The following PDZD2 variants were observed in gnomAD, a reference collection of about 807,000 sequenced individuals.
The protein encoded by PDZD2 is PDZ domain containing 2.
A neutral mutation model predicts 220.7 loss-of-function variants in PDZD2; 90 were observed. The ratio of observed to expected loss-of-function variants is 0.41; its 90% CI spans 0.34 to 0.49. The LOEUF (loss-of-function observed/expected upper bound fraction) is 0.49. Among genes scored for constraint, PDZD2 ranks in the 20% least tolerant of loss-of-function variants. The probability of loss-of-function intolerance (pLI) is 0.28; values close to 1 mark genes in which losing one functional copy is unlikely to be tolerated. For missense variants in PDZD2, 3,174 were observed against 3,608.5 expected, an observed-to-expected ratio of 0.88 and a Z score of 3.08; for synonymous variants, 1,375 against 1,450.5, an observed-to-expected ratio of 0.95 and a Z score of 1.18.
chr5:31,722,224 C>G (rs1267815926), intron 1 of PDZD2, among the ~76,000 whole-genome samples: 3 of 152,138 alleles, frequency 2.0e-5, no homozygotes, highest in Non-Finnish European at 4.4e-5. Flanking sequence ...AGACAAAATT[C>G]AAGGCCTTGC....
chr5:31,778,104 C>T (rs1752816725), intron 1 of PDZD2, among the ~76,000 whole-genome samples: 1 of 152,174 alleles, frequency 6.6e-6, no homozygotes, highest in Non-Finnish European at 1.5e-5. Flanking sequence ...TCTAGCTAAT[C>T]TAGTGGGGAC....
intron 1 of PDZD2, among the ~76,000 whole-genome samples, chr5:31,700,896 G>A (rs1747576733): frequency 6.6e-6 from 1 of 152,198 alleles, no homozygotes; most frequent in Non-Finnish European, 1.5e-5. Flanking sequence ...TCTTCCGAAT[G>A]TCAGGAGCTA....
rs187558061 is a variant in PDZD2 at position 31,977,708 on chromosome 5, C to T, written c.477-5447C>T. Among the ~76,000 whole-genome samples, 576 of 152,372 alleles carry T rather than the reference C, an allele frequency of 3.8e-3. 3 individuals carry two copies. Among genetic ancestry groups the T allele is most frequent in the African/African-American group, 0.013 (547 of 41,588 alleles). On this transcript the variant is annotated intron_variant, in intron 2 of 24. Transcript: ENST00000438447. ...CTACAACTGGCCAGACGCAGTGCCT[C>T]GCTCCTGTAATTCCAGCACTTTGGG... is the stretch of plus-strand genomic sequence containing the variant.
Position 31,995,668 on chromosome 5 carries a change from A to C in PDZD2, c.1071A>C (p.Ser357=). 1 of 1,614,000 alleles carries C rather than the reference A, an allele frequency of 6.2e-7. No homozygotes were observed. The highest frequency in any genetic ancestry group is 1.7e-4 in the Middle Eastern group (1 of 6,024). ...GTGGAGGCCGAGGATCAAAGCGCTCACCTCACGCTATCGTTGTCACTCAAG... is the reference window on the plus strand; with the variant it reads ...GTGGAGGCCGAGGATCAAAGCGCTCCCCTCACGCTATCGTTGTCACTCAAG... The part of the protein sequence containing the change: ...QVSGGRGSKR[S]PHAIVVTQVK... Residue 357 remains serine (S), a synonymous_variant, in exon 4 of 25, where the codon TCA becomes TCC. Coordinates refer to ENST00000438447, the MANE Select transcript of PDZD2 (RefSeq NM_178140.4).
intron 1 of PDZD2, among the ~76,000 whole-genome samples, chr5:31,667,313 A>C (rs1353786852): frequency 6.6e-6 from 1 of 151,550 alleles, no homozygotes; most frequent in Non-Finnish European, 1.5e-5. Flanking sequence ...CTAGGGATAC[A>C]GGGGTGAGTG....
intron 6 of PDZD2, among the ~76,000 whole-genome samples, chr5:32,016,243 T>C (rs138435248): frequency 2.6e-5 from 4 of 152,352 alleles, no homozygotes; most frequent in Middle Eastern, 3.4e-3. Flanking sequence ...TTATTTGGAC[T>C]GAATAATTGA....
rs772353160 is a variant in PDZD2, at chr5:32,074,263, G to A, written c.3157G>A (p.Ala1053Thr). 1.2e-6 allele frequency: 2 copies of A among 1,614,214 alleles called. No individual in the cohort carries two copies. The highest frequency in any genetic ancestry group is 2.2e-5 in the South Asian group (2 of 91,080). The change falls in exon 18 of 25, where the codon GCG becomes ACG. Residue 1053 changes from alanine to threonine, a missense_variant. By Grantham distance (58) the Ala-to-Thr change is moderately conservative. Around this residue, in one of 4 missense-constraint regions of PDZD2, gnomAD observed 1,861 missense variants for 2,001.0 expected, o/e 0.93. Coordinates refer to ENST00000438447, the MANE Select transcript of PDZD2 (RefSeq NM_178140.4). ...ESIPEGMVDA[A>T]SYAANLTDSA... ...TATCCCAGAGGGCATGGTGGATGCT[G>A]CGTCCTATGCAGCCAACCTCACGGA...
At chr5:31,923,443 G>A (rs143320561) in intron 2 of PDZD2, 11 of 1,118,042 alleles carry the variant, frequency 9.8e-6, no homozygotes, top group Non-Finnish European at 1.4e-5. Flanking sequence ...ATCCACTTGG[G>A]CTTTATCCCT....
At chr5:31,838,385 A>G (rs6874198) in intron 2 of PDZD2, among the ~76,000 whole-genome samples, 117,976 of 152,188 alleles carry the variant, frequency 0.78, 46,889 homozygotes, top group Non-Finnish European at 0.86. Flanking sequence ...CCAGAAATCC[A>G]TGGAGCTAGA....
chr5:31,703,957 T>TTCTC (rs10652328), intron 1 of PDZD2, among the ~76,000 whole-genome samples: 21 of 149,376 alleles, frequency 1.4e-4, no homozygotes, highest in Non-Finnish European at 2.2e-4. Flanking sequence ...TTCTCTCTCT[T>TTCTC]TCTCTCTCTC....
intron 1 of PDZD2, among the ~76,000 whole-genome samples, chr5:31,713,281 T>A (rs1347671233): frequency 6.6e-6 from 1 of 152,236 alleles, no homozygotes; most frequent in Non-Finnish European, 1.5e-5. Context: ...CTGCCTGGCC[T>A]TAGAGGTCTG....
chr5:31,911,995 T>C (rs1743248874), intron 2 of PDZD2, among the ~76,000 whole-genome samples: 1 of 152,206 alleles, frequency 6.6e-6, no homozygotes, highest in Non-Finnish European at 1.5e-5. Flanking sequence ...AAATGGGGAT[T>C]GAGTGAATCA....
At chr5:32,039,330 C>T (rs1176581348) in intron 7 of PDZD2, among the ~76,000 whole-genome samples, 1 of 151,882 alleles carries the variant, frequency 6.6e-6, no homozygotes, top group Non-Finnish European at 1.5e-5. Context: ...TGGTCTCCAG[C>T]TCCTGGCCTC....
chr5:31,872,841 A>G (rs1738946354), intron 2 of PDZD2, among the ~76,000 whole-genome samples: 1 of 152,176 alleles, frequency 6.6e-6, no homozygotes, highest in Admixed American at 6.6e-5. Flanking sequence ...AGTGGATTGC[A>G]TATACGATGA....
At chr5:32,010,192 A>G (rs562826155) in intron 5 of PDZD2, 138 bp from the exon 6 acceptor site, 1 of 608,982 alleles carries the variant, frequency 1.6e-6, no homozygotes, top group African/African-American at 1.8e-5. Context: ...CCTTTGAGGT[A>G]ACCTTGCAGA....
At position 31,996,419 on chromosome 5, in the gene PDZD2, A is replaced by G. The variant is rs1283294623; in HGVS notation, c.1121+701A>G. ...ATGGTGAGACCTGGTGTTTACAAAA[A>G]ATAAAAATTAAAAAATAGCAGCTGG... is the stretch of plus-strand genomic sequence containing the variant. On this transcript the variant is annotated intron_variant, in intron 4 of 24. Transcript: ENST00000438447. Among the ~76,000 whole-genome samples the G allele has an allele frequency of 2.6e-5, 4 of 152,106 alleles. No homozygotes were observed. In the East Asian group the frequency reaches 7.7e-4, roughly 29 times the overall value.
rs1020516033 is a variant in PDZD2 at position 32,110,410 on chromosome 5, A to G, written c.*2275A>G. 2 of 152,654 alleles carry G rather than the reference A, an allele frequency of 1.3e-5. No individual in the cohort carries two copies. Among genetic ancestry groups the G allele is most frequent in the Non-Finnish European group, 2.9e-5 (2 of 68,058 alleles). The allele number at this position is 152,654 out of a possible 1,614,324, so 9.5% of individuals were successfully genotyped here. Reference sequence around the variant, plus strand: ...AGTTGAAATTTAAGGGAAGAAGCAAAAGCTAAACTGTCTTTGACCCTAAGA... The same window carrying G: ...AGTTGAAATTTAAGGGAAGAAGCAAGAGCTAAACTGTCTTTGACCCTAAGA... On this transcript the variant is annotated 3_prime_UTR_variant, in exon 25 of 25. Coordinates refer to ENST00000438447, the MANE Select transcript of PDZD2 (RefSeq NM_178140.4).
At chr5:31,879,639 T>G (rs527256421) in intron 2 of PDZD2, among the ~76,000 whole-genome samples, 34 of 152,302 alleles carry the variant, frequency 2.2e-4, no homozygotes, top group African/African-American at 7.9e-4. Flanking sequence ...CCTACATTTC[T>G]ATTGCCTTGT....
At position 31,685,051 on chromosome 5, in the gene PDZD2, T is replaced by A. The variant is rs569998722; in HGVS notation, c.-361+45614T>A. 1.3e-4 allele frequency among the ~76,000 whole-genome samples: 20 copies of A among 152,322 alleles called. No homozygotes were observed. In the East Asian group the frequency reaches 3.7e-3, roughly 28 times the overall value. ...AGGCACTGGAGCCTATTTCTGGAAT[T>A]TCATGTTGCACCATTGCCCTCTCTG... On this transcript the variant is annotated intron_variant, in intron 1 of 24. Coordinates refer to ENST00000438447, the MANE Select transcript of PDZD2 (RefSeq NM_178140.4).
Sources: allele counts gnomAD v4.1 joint callset (sites outside exome capture counted in the v4.1 genomes callset), GRCh38; gene constraint gnomAD v4.1.1; regional missense constraint gnomAD v4.1.1; transcripts MANE v1.5; gene names NCBI Gene and HGNC (gene_info 2026-07-23, HGNC 2026-07-21).